Variants in DAB1 observed in about 807,000 individuals in gnomAD.
DAB1 encodes the protein disabled homolog 1.
DAB1 carries 15 observed loss-of-function variants against 64.6 expected under a neutral mutation model. The ratio of observed to expected loss-of-function variants is 0.23; its 90% confidence interval spans 0.16 to 0.36. DAB1 has a LOEUF of 0.36. Among genes scored for constraint, DAB1 ranks in the 10% least tolerant of loss-of-function variants. The pLI, the probability that DAB1 is intolerant of heterozygous loss-of-function variation, is 1.00. For synonymous variants in DAB1, 235 were observed against 251.9 expected, an observed-to-expected ratio of 0.93 and a Z score of 0.64; for missense variants, 596 against 706.7, an observed-to-expected ratio of 0.84 and a Z score of 1.78.
intron 4 of DAB1, among the ~76,000 whole-genome samples, chr1:58,218,973 C>T (rs1659001372): frequency 6.8e-6 from 1 of 146,582 alleles, no homozygotes; most frequent in Admixed American, 6.8e-5. Context: ...GGAGTAATCC[C>T]CCATAATTCT....
intron 5 of DAB1, among the ~76,000 whole-genome samples, chr1:58,122,351 C>G (rs1229203329): frequency 1.3e-5 from 2 of 152,124 alleles, no homozygotes; most frequent in African/African-American, 4.8e-5. Flanking sequence ...TTTGCTGTCT[C>G]AAAATAGTAG....
chr1:57,977,854 C>A (rs183440958), intron 5 of DAB1, among the ~76,000 whole-genome samples: 5 of 152,220 alleles, frequency 3.3e-5, no homozygotes, highest in Admixed American at 2.6e-4. Flanking sequence ...AAACAACTTA[C>A]AAGGAATATG....
chr1:57,777,141 CTTTT>C (rs71051255), intron 6 of DAB1, among the ~76,000 whole-genome samples: 3 of 90,404 alleles, frequency 3.3e-5, no homozygotes, highest in Non-Finnish European at 6.4e-5. Context: ...TTCTGAATTT[CTTTT>C]TTTTTTTTTT....
chr1:57,780,424 T>C (rs765858711), intron 6 of DAB1, among the ~76,000 whole-genome samples: 8 of 152,164 alleles, frequency 5.3e-5, no homozygotes, highest in South Asian at 2.1e-4. Context: ...AGAGGGCTGT[T>C]GTCTTGGGAA....
chr1:57,036,932 G>C (rs1270415240), intron 9 of DAB1, among the ~76,000 whole-genome samples: 1 of 152,168 alleles, frequency 6.6e-6, no homozygotes, highest in East Asian at 1.9e-4. Flanking sequence ...CAGGAAAAAT[G>C]ACAGTGGATA....
intron 1 of DAB1, among the ~76,000 whole-genome samples, chr1:57,421,084 A>C (rs1684848690): frequency 6.6e-6 from 1 of 152,206 alleles, no homozygotes; most frequent in Non-Finnish European, 1.5e-5. Flanking sequence ...AATCTACCAA[A>C]TGCAATTTTT....
intron 3 of DAB1, among the ~76,000 whole-genome samples, chr1:58,346,678 A>T (rs974284257): frequency 6.6e-6 from 1 of 152,236 alleles, no homozygotes; most frequent in Non-Finnish European, 1.5e-5. Flanking sequence ...TCTAATGATG[A>T]GAAGCTCATT....
intron 2 of DAB1, among the ~76,000 whole-genome samples, chr1:57,147,225 G>C (rs2100831128): frequency 6.6e-6 from 1 of 152,016 alleles, no homozygotes; most frequent in East Asian, 1.9e-4. Flanking sequence ...GTTTTGCCAT[G>C]TTGCCCAGTC....
intron 4 of DAB1, among the ~76,000 whole-genome samples, chr1:58,322,564 G>A (rs1662711307): frequency 6.6e-6 from 1 of 151,128 alleles, no homozygotes; most frequent in African/African-American, 2.5e-5. Flanking sequence ...CAGTTAGAAT[G>A]GCGATCATTA....
intron 1 of DAB1, among the ~76,000 whole-genome samples, chr1:57,379,043 T>C (rs1390114986): frequency 6.6e-6 from 1 of 152,162 alleles, no homozygotes; most frequent in Non-Finnish European, 1.5e-5. Context: ...AGAACTAACT[T>C]GAAGTCTTTA....
intron 11 of DAB1, among the ~76,000 whole-genome samples, chr1:57,021,301 C>A (rs1646610198): frequency 6.6e-6 from 1 of 152,274 alleles, no homozygotes; most frequent in South Asian, 2.1e-4. Flanking sequence ...CCAGGTCTTC[C>A]AAGTCCCTAA....
At chr1:58,226,128 C>T (rs1659468431) in intron 4 of DAB1, among the ~76,000 whole-genome samples, 1 of 152,106 alleles carries the variant, frequency 6.6e-6, no homozygotes, top group African/African-American at 2.4e-5. Flanking sequence ...GGAATTCTAG[C>T]TCTGGCCATC....
chr1:58,406,150 C>T (rs1033325347), intron 3 of DAB1, among the ~76,000 whole-genome samples: 5 of 152,142 alleles, frequency 3.3e-5, no homozygotes, highest in African/African-American at 1.2e-4. Context: ...CCACCAGAAC[C>T]CCAGGTGGGT....
chr1:57,005,431 G>A (rs1252199484), intron 14 of DAB1, among the ~76,000 whole-genome samples: 6 of 152,196 alleles, frequency 3.9e-5, no homozygotes, highest in African/African-American at 1.2e-4. Context: ...AATGAAGTCA[G>A]CGTATTTTAG....
intron 3 of DAB1, among the ~76,000 whole-genome samples, chr1:58,489,480 G>A (rs576621267): frequency 7.2e-5 from 11 of 152,330 alleles, no homozygotes; most frequent in African/African-American, 1.7e-4. Flanking sequence ...GCAGCTCAAG[G>A]AGGCCTGCCT....
chr1:57,377,997 T>C (rs956172057), intron 1 of DAB1, among the ~76,000 whole-genome samples: 4 of 152,130 alleles, frequency 2.6e-5, no homozygotes, highest in Admixed American at 2.6e-4. Flanking sequence ...AGATGGGAAA[T>C]AAACTTCACT....
intron 7 of DAB1, among the ~76,000 whole-genome samples, chr1:57,450,650 A>T (rs191069947): frequency 1.3e-5 from 2 of 152,224 alleles, no homozygotes; most frequent in Non-Finnish European, 2.9e-5. Context: ...GACATCTCGA[A>T]TTATCTTCAA....
intron 3 of DAB1, among the ~76,000 whole-genome samples, chr1:58,460,806 GT>G (rs1645236629): frequency 6.6e-6 from 1 of 152,074 alleles, no homozygotes; most frequent in Admixed American, 6.6e-5. Context: ...ATCTATGAAG[GT>G]TTACTAAGAT....
intron 7 of DAB1, among the ~76,000 whole-genome samples, chr1:57,553,482 AAGG>A (rs1570620815): frequency 2.9e-5 from 3 of 102,010 alleles, no homozygotes; most frequent in East Asian, 3.3e-4. Flanking sequence ...GAAAGGAAGG[AAGG>A]AAGGAAGGAA....
Sources: allele counts gnomAD v4.1 joint callset (sites outside exome capture counted in the v4.1 genomes callset), GRCh38; gene constraint gnomAD v4.1.1; transcripts MANE v1.5; gene names NCBI Gene and HGNC (gene_info 2026-07-23, HGNC 2026-07-21).